Variants in KLC1 observed in about 807,000 individuals in gnomAD.
KLC1 encodes the protein kinesin light chain 1.
KLC1 carries 30 observed loss-of-function variants against 84.2 expected under a neutral mutation model. The ratio of observed to expected loss-of-function variants is 0.36; its 90% CI spans 0.27 to 0.48. KLC1 has a LOEUF of 0.48. Among genes scored for constraint, KLC1 ranks in the 20% least tolerant of loss-of-function variants. The pLI, the probability that KLC1 is intolerant of heterozygous loss-of-function variation, is 0.99. For synonymous variants in KLC1, 289 were observed against 293.3 expected (o/e 0.99, Z 0.15); for missense variants, 499 against 805.4 (o/e 0.62, Z 4.60).
intron 15 of KLC1, chr14:103,697,890 C>G (rs895559196): frequency 2.0e-5 from 3 of 152,384 alleles, no homozygotes; most frequent in Middle Eastern, 3.1e-3. Flanking sequence ...CAGGGTCCTG[C>G]AGGTGGCCCT....
chr14:103,701,505 T>G lies in KLC1; in HGVS notation c.*306T>G, dbSNP rs1485864795. Reference sequence around the variant, plus strand: ...CTCACGTTGTGTGCGATAACGTATTTTATTGTACATTTTTTTAAATTAAAA... The same window carrying G: ...CTCACGTTGTGTGCGATAACGTATTGTATTGTACATTTTTTTAAATTAAAA... On this transcript the variant is annotated 3_prime_UTR_variant, in exon 17 of 17. Transcript: ENST00000334553. The G allele has an allele frequency of 2.6e-6, 1 of 386,794 alleles. No individual in the cohort carries two copies. The highest frequency in any genetic ancestry group is 4.6e-6 in the Non-Finnish European group (1 of 216,414). 24.0% of individuals were successfully genotyped at this position (386,794 alleles called of 1,614,324 possible).
intron 11 of KLC1, among the ~76,000 whole-genome samples, chr14:103,676,547 T>G (rs1257700059): frequency 6.6e-6 from 1 of 152,204 alleles, no homozygotes; most frequent in Admixed American, 6.5e-5. Context: ...ATTACAGGTG[T>G]GAGCCACTGT....
intron 13 of KLC1, chr14:103,686,359 C>T (rs1712040123): frequency 1.1e-5 from 3 of 261,804 alleles, no homozygotes; most frequent in African/African-American, 6.9e-5. Context: ...AGAAATGCTG[C>T]TGTATGCACA....
chr14:103,652,497 CT>C (rs988829999), intron 1 of KLC1, among the ~76,000 whole-genome samples: 181 of 145,046 alleles, frequency 1.2e-3, no homozygotes, highest in Non-Finnish European at 9.6e-4. Context: ...GGCCTTTGTT[CT>C]TTTTTTTTTT....
intron 14 of KLC1, 114 bp downstream of exon 14, chr14:103,687,325 C>A: frequency 9.2e-7 from 1 of 1,087,210 alleles, no homozygotes; most frequent in South Asian, 1.9e-5. Context: ...CCAGTTGGTT[C>A]CCGTATTCTC....
intron 1 of KLC1, 64 bp from the exon 2 acceptor site, chr14:103,654,500 C>A: frequency 1.5e-6 from 2 of 1,357,380 alleles, no homozygotes; most frequent in Non-Finnish European, 2.0e-6. Context: ...TTCATATTTA[C>A]TTGATGTAAC....
intron 1 of KLC1, among the ~76,000 whole-genome samples, chr14:103,645,361 G>C (rs144240810): frequency 1.3e-5 from 2 of 152,294 alleles, no homozygotes; most frequent in Non-Finnish European, 2.9e-5. Context: ...CAAACCAAGT[G>C]GTGGCTGAGA....
chr14:103,696,414 C>T, intron 15 of KLC1: 5 of 985,218 alleles, frequency 5.1e-6, no homozygotes, highest in Non-Finnish European at 6.0e-6. Context: ...CTAGGAGTAT[C>T]ATGTACTTAG....
At chr14:103,682,776 G>A (rs949097270) in intron 13 of KLC1, 3 of 148,696 alleles carry the variant, frequency 2.0e-5, no homozygotes, top group Non-Finnish European at 3.0e-5. Flanking sequence ...GTATATGTAT[G>A]TATATGTATT....
chr14:103,630,950 G>T (rs1188198822), intron 1 of KLC1, among the ~76,000 whole-genome samples: 2 of 152,144 alleles, frequency 1.3e-5, no homozygotes, highest in Non-Finnish European at 2.9e-5. Context: ...TTGTCTTAGA[G>T]AAAAGCATCC....
At chr14:103,640,259 C>T (rs2077378158) in intron 1 of KLC1, among the ~76,000 whole-genome samples, 1 of 151,988 alleles carries the variant, frequency 6.6e-6, no homozygotes, top group South Asian at 2.1e-4. Context: ...AGGGTTTCAC[C>T]ATGTTGACCA....
intron 13 of KLC1, chr14:103,683,085 T>C (rs1260339091): frequency 6.6e-6 from 1 of 152,218 alleles, no homozygotes; most frequent in Non-Finnish European, 1.5e-5. Flanking sequence ...TATTCATAAG[T>C]AACATTGAAA....
intron 15 of KLC1, chr14:103,695,472 G>A (rs771155564): frequency 6.2e-5 from 61 of 985,170 alleles, no homozygotes; most frequent in Non-Finnish European, 7.2e-5. Context: ...TGCCCCCGTA[G>A]TGGGCTATGT....
chr14:103,636,867 C>T (rs1403644003), intron 1 of KLC1, among the ~76,000 whole-genome samples: 12 of 151,852 alleles, frequency 7.9e-5, no homozygotes, highest in Middle Eastern at 3.4e-3. Context: ...GGACTACAGG[C>T]GCCTGCCACC....
rs79946933 is a variant in KLC1 at position 103,700,072 on chromosome 14, G to A, written c.1849-583G>A. On this transcript the variant is annotated intron_variant, in intron 15 of 16. Coordinates refer to ENST00000334553, the MANE Select transcript of KLC1 (RefSeq NM_001394837.1). Reference sequence around the variant, plus strand: ...ACCTCTTCAGACGCTCAGCAAGGCAGGGGCCTGATGCCCTTCAGGCGTTAC... The same window carrying A: ...ACCTCTTCAGACGCTCAGCAAGGCAAGGGCCTGATGCCCTTCAGGCGTTAC... The A allele has an allele frequency of 1.2e-3, 272 of 229,770 alleles. 3 individuals are homozygous for A. The East Asian group carries it at 0.021, about 18-fold the overall frequency. 14.2% of individuals were successfully genotyped at this position (229,770 alleles called of 1,614,324 possible).
In KLC1 at chr14:103,647,936, C is replaced by A. The variant is rs528289504; in HGVS notation, c.-1-6628C>A. Among the ~76,000 whole-genome samples the A allele has an allele frequency of 6.6e-5, 10 of 150,746 alleles. No homozygotes were observed. In the South Asian group the frequency reaches 1.7e-3, roughly 25 times the overall value. ...GTCCCAGTGGGTAGTTTGTAAAAGACCAGGTCTATTTGTATTGGGTTTTTT... is the reference window on the plus strand; with the variant it reads ...GTCCCAGTGGGTAGTTTGTAAAAGAACAGGTCTATTTGTATTGGGTTTTTT... On this transcript the variant is annotated intron_variant, in intron 1 of 16. Coordinates refer to ENST00000334553, the MANE Select transcript of KLC1 (RefSeq NM_001394837.1).
intron 1 of KLC1, among the ~76,000 whole-genome samples, chr14:103,645,025 G>A (rs930005290): frequency 2.0e-5 from 3 of 151,822 alleles, no homozygotes; most frequent in African/African-American, 4.8e-5. Context: ...CCAGGCTGGA[G>A]TGCAATGGGG....
chr14:103,637,656 A>G (rs1343952742), intron 1 of KLC1, among the ~76,000 whole-genome samples: 2 of 152,080 alleles, frequency 1.3e-5, no homozygotes, highest in Non-Finnish European at 2.9e-5. Context: ...GGCCAAATAG[A>G]TGCATTTGTT....
At chr14:103,701,011 A>G (rs1388905183) in intron 16 of KLC1, among the ~76,000 whole-genome samples, 190 bp from the exon 17 acceptor site, 1 of 152,210 alleles carries the variant, frequency 6.6e-6, no homozygotes, top group Non-Finnish European at 1.5e-5. Context: ...TTGGTGCTCC[A>G]GGGAGCAGAG....
Sources: gnomAD v4.1 joint callset for allele counts (sites outside exome capture counted in the v4.1 genomes callset) on GRCh38, gnomAD v4.1.1 for gene constraint, MANE v1.5 for transcripts, NCBI Gene and HGNC (gene_info 2026-07-23, HGNC 2026-07-21) for gene names.